Variants in STIM2 observed in about 807,000 individuals in gnomAD.
The protein encoded by STIM2 is stromal interaction molecule 2.
In STIM2, 31 loss-of-function variants were observed where a neutral mutation model predicts 85.8. The ratio of observed to expected loss-of-function variants is 0.36; its 90% CI spans 0.27 to 0.49. The LOEUF is 0.49. STIM2 is among the 20% of genes least tolerant of loss of function. STIM2 has a pLI of 0.98. For missense variants in STIM2, 841 were observed against 927.6 expected (o/e 0.91, Z 1.21); for synonymous variants, 356 against 331.1 (o/e 1.08, Z -0.82).
intron 1 of STIM2, chr4:26,873,922 TC>T: frequency 7.4e-7 from 1 of 1,356,516 alleles, no homozygotes; most frequent in Non-Finnish European, 1.0e-6. Context: ...CAGGGGCGCC[TC>T]CAGACAGCTG....
intron 3 of STIM2, among the ~76,000 whole-genome samples, chr4:26,981,336 T>TA (rs947920037): frequency 2.6e-5 from 4 of 152,198 alleles, no homozygotes; most frequent in African/African-American, 9.7e-5. Flanking sequence ...CTGTTATTAA[T>TA]ATTGTTAAAA....
intron 3 of STIM2, among the ~76,000 whole-genome samples, chr4:26,971,792 T>C (rs1474901084): frequency 6.6e-6 from 1 of 152,246 alleles, no homozygotes; most frequent in Admixed American, 6.5e-5. Context: ...CATTGGTAGC[T>C]TGATGGGGAT....
chr4:27,019,338 A>G, intron 11 of STIM2: 1 of 900,180 alleles, frequency 1.1e-6, no homozygotes, highest in Non-Finnish European at 1.6e-6. Context: ...TTGCAGTTGG[A>G]GAATCTGATG....
At chr4:26,882,463 G>T (rs5016017) in intron 1 of STIM2, among the ~76,000 whole-genome samples, 22,034 of 114,038 alleles carry the variant, frequency 0.19, 2,440 homozygotes, top group African/African-American at 0.39. Context: ...CTTTTTTTTT[G>T]TTTTTGTTTT....
At chr4:26,998,117 C>A (rs115393428) in intron 4 of STIM2, among the ~76,000 whole-genome samples, 2,420 of 152,222 alleles carry the variant, frequency 0.016, 32 homozygotes, top group Middle Eastern at 0.034. Context: ...GCCATTGGTA[C>A]AGGACCCAGC....
At chr4:26,873,706 G>T (rs1345681510) in intron 1 of STIM2, 4 of 838,500 alleles carry the variant, frequency 4.8e-6, no homozygotes, top group Non-Finnish European at 8.1e-6. Flanking sequence ...CAGCTCTTGG[G>T]ACAGCTTCTG....
intron 1 of STIM2, among the ~76,000 whole-genome samples, chr4:26,899,216 G>A (rs530596485): frequency 1.8e-4 from 28 of 151,814 alleles, no homozygotes; most frequent in Non-Finnish European, 1.8e-4. Flanking sequence ...CCTTTAACCT[G>A]TTAATGTGAA....
At chr4:26,887,464 C>T (rs1723300948) in intron 1 of STIM2, among the ~76,000 whole-genome samples, 1 of 152,118 alleles carries the variant, frequency 6.6e-6, no homozygotes, top group Non-Finnish European at 1.5e-5. Context: ...CATTCATTAG[C>T]TCCTCAGATA....
intron 2 of STIM2, among the ~76,000 whole-genome samples, chr4:26,951,690 A>AT (rs1726059503): frequency 6.6e-6 from 1 of 152,020 alleles, no homozygotes; most frequent in Non-Finnish European, 1.5e-5. Context: ...ACAGAAGGAG[A>AT]TTTTTTTCAT....
intron 3 of STIM2, among the ~76,000 whole-genome samples, chr4:26,964,908 G>C (rs754353357): frequency 6.6e-6 from 1 of 152,132 alleles, no homozygotes; most frequent in Non-Finnish European, 1.5e-5. Flanking sequence ...GCTGCATTAA[G>C]GAACATTTAC....
rs1233726722 is a variant in STIM2 at position 27,024,390 on chromosome 4, G to A, written c.*1394G>A. ...TTACTGCAATGCAGATGGATGTTTGGATGAACAACTGATACATTTTAGTTA... is the reference window on the plus strand; with the variant it reads ...TTACTGCAATGCAGATGGATGTTTGAATGAACAACTGATACATTTTAGTTA... On this transcript the variant is annotated 3_prime_UTR_variant, in exon 12 of 12. Coordinates refer to ENST00000467087, the MANE Select transcript of STIM2 (RefSeq NM_020860.4). 3 of 152,152 alleles carry A rather than the reference G, an allele frequency of 2.0e-5. No homozygotes were observed. The highest frequency in any genetic ancestry group is 4.4e-5 in the Non-Finnish European group (3 of 68,018). 9.4% of individuals were successfully genotyped at this position (152,152 alleles called of 1,614,324 possible). A position where few individuals can be genotyped will look rare whatever the true frequency, so the allele number is the denominator to read the frequency against.
intron 1 of STIM2, among the ~76,000 whole-genome samples, chr4:26,886,783 G>GT (rs541233945): frequency 3.9e-5 from 6 of 152,278 alleles, no homozygotes; most frequent in African/African-American, 1.4e-4. Flanking sequence ...CTACTGCAGG[G>GT]TTTTTGAGAA....
At chr4:26,991,602 A>G (rs1560232444) in intron 3 of STIM2, among the ~76,000 whole-genome samples, 1 of 152,164 alleles carries the variant, frequency 6.6e-6, no homozygotes, top group East Asian at 1.9e-4. Context: ...GAAAAGATAA[A>G]TGTTTGAGGT....
intron 3 of STIM2, among the ~76,000 whole-genome samples, chr4:26,977,328 G>C (rs1727237734): frequency 6.6e-6 from 1 of 152,186 alleles, no homozygotes; most frequent in South Asian, 2.1e-4. Context: ...ATAGGACCTG[G>C]TAGGGCCAAT....
At chr4:26,949,751 T>C (rs564133135) in intron 2 of STIM2, among the ~76,000 whole-genome samples, 1 of 152,280 alleles carries the variant, frequency 6.6e-6, no homozygotes, top group African/African-American at 2.4e-5. Flanking sequence ...TGTGTAAATA[T>C]TGTATTTCCT....
intron 11 of STIM2, among the ~76,000 whole-genome samples, chr4:27,020,232 A>G (rs534925611): frequency 2.6e-5 from 4 of 152,252 alleles, no homozygotes; most frequent in Non-Finnish European, 5.9e-5. Context: ...GCAAAGCCAC[A>G]TAACAGAAGA....
In STIM2 at chr4:27,023,546, T is replaced by C. The variant is rs1361690287; in HGVS notation, c.*550T>C. On this transcript the variant is annotated 3_prime_UTR_variant, in exon 12 of 12. Transcript: ENST00000467087. ...TATGGATAGGGGACTGTTTTCACTT[T>C]TAGATCAAAATGGGTTTTTAAGTAG... The C allele has an allele frequency of 3.3e-5, 5 of 152,588 alleles. No homozygotes were observed. The highest frequency in any genetic ancestry group is 9.6e-5 in the African/African-American group (4 of 41,456). 9.5% of individuals were successfully genotyped at this position (152,588 alleles called of 1,614,324 possible). A position where few individuals can be genotyped will look rare whatever the true frequency, so the allele number is the denominator to read the frequency against.
At chr4:26,962,807 A>G (rs1376894270) in intron 3 of STIM2, among the ~76,000 whole-genome samples, 4 of 152,216 alleles carry the variant, frequency 2.6e-5, no homozygotes, top group Non-Finnish European at 5.9e-5. Flanking sequence ...TATTTGTTAT[A>G]TACAAGATTT....
chr4:26,875,250 T>C (rs1722775538), intron 1 of STIM2, among the ~76,000 whole-genome samples: 1 of 152,184 alleles, frequency 6.6e-6, no homozygotes, highest in Admixed American at 6.5e-5. Context: ...CTATATAGTA[T>C]TTTTTATGAG....
Sources: allele counts gnomAD v4.1 joint callset (sites outside exome capture counted in the v4.1 genomes callset), GRCh38; gene constraint gnomAD v4.1.1; transcripts MANE v1.5; gene names NCBI Gene and HGNC (gene_info 2026-07-23, HGNC 2026-07-21).